ZNF710: variants seen among roughly 807,000 people sequenced by gnomAD.
ZNF710 encodes the protein zinc finger protein 710.
Under a neutral mutation model 50.6 loss-of-function variants are expected in ZNF710, and 13 were observed. The observed-to-expected ratio is 0.26, with a 90% CI of 0.17 to 0.41. The LOEUF is 0.41. Among genes scored for constraint, ZNF710 ranks in the 10% least tolerant of loss-of-function variants. The pLI is 1.00. For missense variants in ZNF710, 721 were observed against 936.6 expected, an observed-to-expected ratio of 0.77 and a Z score of 3.01; for synonymous variants, 383 against 397.0, an observed-to-expected ratio of 0.96 and a Z score of 0.42.
At chr15:90,020,143 A>T (rs570799952) in intron 1 of ZNF710, among the ~76,000 whole-genome samples, 1 of 152,292 alleles carries the variant, frequency 6.6e-6, no homozygotes, top group Admixed American at 6.5e-5. Context: ...CGTGGTCTAA[A>T]TCGGACCTTC....
chr15:90,062,219 T>TC lies in ZNF710; in HGVS notation c.-28-4891_-28-4890insC, dbSNP rs1900031869. Among the ~76,000 whole-genome samples the TC allele has an allele frequency of 6.9e-6, 1 of 143,914 alleles. No individual in the cohort carries two copies. Among genetic ancestry groups the TC allele is most frequent in the African/African-American group, 2.7e-5 (1 of 37,678 alleles). 94.4% of individuals were successfully genotyped at this position (143,914 alleles called of 152,430 possible). A position where few individuals can be genotyped will look rare whatever the true frequency, so the allele number is the denominator to read the frequency against. On this transcript the variant is annotated intron_variant, in intron 1 of 4. Coordinates refer to ENST00000268154, the MANE Select transcript of ZNF710 (RefSeq NM_198526.4). This position sits in a 1 kb window ranked among gnomAD's most constrained non-coding sequence, Gnocchi z 5.6. ...TCTTCATTTCTTCTCTCCCTCTCCC[T>TC]TTCTCTCTCTCTCTCTCTGATATGT... is the stretch of plus-strand genomic sequence containing the variant.
chr15:90,056,052 G>A (rs1264236792), intron 1 of ZNF710, among the ~76,000 whole-genome samples: 2 of 151,554 alleles, frequency 1.3e-5, no homozygotes, highest in African/African-American at 4.9e-5. Flanking sequence ...GGAGGTGGAG[G>A]TTGCAGTGGG....
chr15:90,039,886 A>C (rs148104783), intron 1 of ZNF710, among the ~76,000 whole-genome samples: 5 of 152,346 alleles, frequency 3.3e-5, no homozygotes, highest in African/African-American at 9.6e-5. Flanking sequence ...TGGGACACCA[A>C]AGTCCCCTCT....
At chr15:90,051,645 A>ATAAT (rs752735833) in intron 1 of ZNF710, among the ~76,000 whole-genome samples, 3 of 152,138 alleles carry the variant, frequency 2.0e-5, no homozygotes, top group African/African-American at 7.2e-5. Flanking sequence ...AATAATAATA[A>ATAAT]TAATTAATTA....
intron 1 of ZNF710, among the ~76,000 whole-genome samples, chr15:90,009,646 A>G (rs1057413581): frequency 1.8e-4 from 27 of 151,702 alleles, no homozygotes; most frequent in Admixed American, 1.2e-3. Flanking sequence ...TGGGCACCCC[A>G]CATCCTCCTA....
intron 1 of ZNF710, among the ~76,000 whole-genome samples, chr15:90,058,856 C>G (rs1899916640): frequency 6.6e-6 from 1 of 152,106 alleles, no homozygotes; most frequent in African/African-American, 2.4e-5. Context: ...AAGTTACAGT[C>G]TCAAGGCAGA....
chr15:89,999,551 G>T (rs1897969612), upstream of ZNF710, among the ~76,000 whole-genome samples: 1 of 152,190 alleles, frequency 6.6e-6, no homozygotes, highest in Non-Finnish European at 1.5e-5. Context: ...AAAGACCATG[G>T]TGTCCTTCTT....
rs559392119 is a variant in ZNF710, at chr15:90,060,418, G to A, written c.-28-6692G>A. ...AACAATGTAAAATTAGACAGGTGTG[G>A]TGGCACATGCCTTTAGTCCCACCTA... On this transcript the variant is annotated intron_variant, in intron 1 of 4. Coordinates refer to ENST00000268154, the MANE Select transcript of ZNF710 (RefSeq NM_198526.4). Among the ~76,000 whole-genome samples the A allele has an allele frequency of 3.9e-5, 6 of 152,260 alleles. No homozygotes were observed. In the East Asian group the frequency reaches 1.2e-3, roughly 29 times the overall value.
intron 2 of ZNF710, among the ~76,000 whole-genome samples, chr15:90,071,236 G>T (rs902643751): frequency 1.3e-5 from 2 of 148,446 alleles, no homozygotes; most frequent in Non-Finnish European, 3.0e-5. Context: ...ACTCTAGCCT[G>T]GGCAACAAAA....
intron 1 of ZNF710, among the ~76,000 whole-genome samples, chr15:90,037,364 G>A (rs1010451002): frequency 3.3e-5 from 5 of 152,166 alleles, no homozygotes; most frequent in African/African-American, 9.7e-5. Context: ...GAGGGCTTTC[G>A]AAAGTGTCAG....
intron 4 of ZNF710, chr15:90,074,660 G>T (rs1047790659): frequency 3.0e-5 from 14 of 470,540 alleles, no homozygotes; most frequent in African/African-American, 2.5e-4. Flanking sequence ...GATAGCTCAT[G>T]CAAGATGACA....
chr15:90,079,450 A>C (rs1320625757), intron 4 of ZNF710, among the ~76,000 whole-genome samples: 2 of 152,064 alleles, frequency 1.3e-5, no homozygotes, highest in Admixed American at 1.3e-4. Context: ...ACTCCCCCAC[A>C]CTCAGCTTTG....
chr15:90,023,353 A>C (rs749506165), intron 1 of ZNF710, among the ~76,000 whole-genome samples: 49 of 152,200 alleles, frequency 3.2e-4, no homozygotes, highest in Non-Finnish European at 6.5e-4. Flanking sequence ...TCCTTGCACA[A>C]GTTCTTCTGC....
At chr15:90,066,726 T>G (rs1359970432) in intron 1 of ZNF710, among the ~76,000 whole-genome samples, 1 of 152,082 alleles carries the variant, frequency 6.6e-6, no homozygotes, top group African/African-American at 2.4e-5. Context: ...GATCTGCCCA[T>G]CTTGGCTTCC....
chr15:90,070,165 C>G (rs1247254053), intron 2 of ZNF710, among the ~76,000 whole-genome samples: 1 of 152,188 alleles, frequency 6.6e-6, no homozygotes, highest in Non-Finnish European at 1.5e-5. Context: ...GAGGCTCCTG[C>G]AGTCAACTGC....
intron 1 of ZNF710, among the ~76,000 whole-genome samples, chr15:90,016,634 G>C (rs1362563137): frequency 6.6e-6 from 1 of 152,110 alleles, no homozygotes; most frequent in Non-Finnish European, 1.5e-5. Context: ...TAGAGGTGGG[G>C]TCTGTGCTGG....
At chr15:90,057,133 G>A (rs1899844822) in intron 1 of ZNF710, among the ~76,000 whole-genome samples, 1 of 152,170 alleles carries the variant, frequency 6.6e-6, no homozygotes, top group Middle Eastern at 3.2e-3. Context: ...GATGGACTGA[G>A]GCTTAATGCA....
At chr15:90,057,558 G>C (rs531175791) in intron 1 of ZNF710, among the ~76,000 whole-genome samples, 1 of 152,002 alleles carries the variant, frequency 6.6e-6, no homozygotes, top group Non-Finnish European at 1.5e-5. Flanking sequence ...TGAGCCAGGC[G>C]TGGTGGCGCG....
At position 90,080,864 on chromosome 15, in the gene ZNF710, CTT is replaced by C. The variant is rs1900705590; in HGVS notation, c.*1036_*1037del. Reference sequence around the variant, plus strand: ...AGCAAAGGGGGTCTTCTGAAGGTAACTTATTATTTTTTTCTTTCCAACTGTGT... The same window carrying C: ...AGCAAAGGGGGTCTTCTGAAGGTAACATTATTTTTTTCTTTCCAACTGTGT... On this transcript the variant is annotated 3_prime_UTR_variant, in exon 5 of 5. Transcript: ENST00000268154. 6.6e-6 allele frequency: 1 copy of C among 152,234 alleles called. No homozygotes were observed. Among genetic ancestry groups the C allele is most frequent in the South Asian group, 2.1e-4 (1 of 4,828 alleles). 9.4% of individuals were successfully genotyped at this position (152,234 alleles called of 1,614,324 possible). A position where few individuals can be genotyped will look rare whatever the true frequency, so the allele number is the denominator to read the frequency against.
Sources: gnomAD v4.1 joint callset for allele counts (sites outside exome capture counted in the v4.1 genomes callset) on GRCh38, gnomAD v4.1.1 for gene constraint, Gnocchi (gnomAD v3.1) non-coding constraint, MANE v1.5 for transcripts, NCBI Gene and HGNC (gene_info 2026-07-23, HGNC 2026-07-21) for gene names.